The following CNOT1 variants were observed in gnomAD, a reference collection of about 807,000 sequenced individuals.
CNOT1 encodes the protein CCR4-associated factor 1.
A neutral mutation model predicts 273.8 loss-of-function variants in CNOT1; 15 were observed. That is an observed-to-expected ratio of 0.05 (90% CI 0.04 to 0.08). The LOEUF is 0.08. CNOT1 is among the 10% of genes least tolerant of loss of function. The pLI, the probability that CNOT1 is intolerant of heterozygous loss-of-function variation, is 1.00. For missense variants in CNOT1, 1,644 were observed against 2,912.2 expected (o/e 0.56, Z 10.02); for synonymous variants, 1,022 against 1,005.5 (o/e 1.02, Z -0.31).
At chr16:58,543,239 C>G (rs2040149676) in intron 31 of CNOT1, 3 of 1,539,300 alleles carry the variant, frequency 1.9e-6, no homozygotes, top group Non-Finnish European at 1.7e-6. Context: ...TGTGCACATG[C>G]AACATCACTT....
chr16:58,622,242 T>A (rs7198329), intron 1 of CNOT1, among the ~76,000 whole-genome samples: 112,836 of 149,358 alleles, frequency 0.76, 42,878 homozygotes, highest in Middle Eastern at 0.86. Context: ...TGAACCCGGG[T>A]AGCACAGCTT....
At chr16:58,606,706 G>C (rs1474372033) in intron 1 of CNOT1, among the ~76,000 whole-genome samples, 4 of 152,034 alleles carry the variant, frequency 2.6e-5, no homozygotes, top group African/African-American at 9.7e-5. Context: ...GGGAGGCTGA[G>C]GCAGGGAGAA....
At chr16:58,562,372 C>G (rs2040883382) in intron 16 of CNOT1, among the ~76,000 whole-genome samples, 1 of 151,760 alleles carries the variant, frequency 6.6e-6, no homozygotes, top group African/African-American at 2.4e-5. Flanking sequence ...GGTGTGGTGG[C>G]ACATGCCTGT....
intron 38 of CNOT1, 81 bp downstream of exon 38, chr16:58,537,810 G>A: frequency 1.3e-6 from 2 of 1,553,380 alleles, no homozygotes; most frequent in South Asian, 2.3e-5. Flanking sequence ...AACAAGTAAT[G>A]TTAGTAAGTC....
At chr16:58,601,046 C>T (rs2042443232) in intron 1 of CNOT1, among the ~76,000 whole-genome samples, 1 of 152,214 alleles carries the variant, frequency 6.6e-6, no homozygotes, top group African/African-American at 2.4e-5. Context: ...CCTCAGCCAC[C>T]TGGGTTCAAC....
rs759501337 is a variant in CNOT1 at position 58,586,690 on chromosome 16, G to A, written c.492C>T (p.Asp164=). The change falls in exon 7 of 49, where the codon GAC becomes GAT. Residue 164 remains aspartate, a synonymous_variant. Transcript: ENST00000317147. ...PDLLRSYIDA[D]VSGNQEGGFQ... is the part of the protein sequence containing the mutation. ...AGCCACCTTCTTGATTTCCACTGAC[G>A]TCTGCGTCAATGTAAGAACGCAGAA... 4 of 1,613,278 alleles carry A rather than the reference G, an allele frequency of 2.5e-6. No individual in the cohort carries two copies. In the South Asian group the frequency reaches 3.3e-5, roughly 13 times the overall value.
intron 28 of CNOT1, 61 bp downstream of exon 28, chr16:58,546,611 T>G: frequency 6.2e-7 from 1 of 1,612,510 alleles, no homozygotes; most frequent in Non-Finnish European, 8.5e-7. Context: ...CTGCCTTCAC[T>G]GTAAGTTTTA....
At chr16:58,589,235 G>C (rs566246563) in intron 2 of CNOT1, among the ~76,000 whole-genome samples, 1 of 152,146 alleles carries the variant, frequency 6.6e-6, no homozygotes, top group African/African-American at 2.4e-5. Context: ...TTCCTGGGCC[G>C]GGTGCAGTGG....
At chr16:58,570,560 G>A (rs2041233984) in intron 16 of CNOT1, among the ~76,000 whole-genome samples, 1 of 152,218 alleles carries the variant, frequency 6.6e-6, no homozygotes, top group Admixed American at 6.5e-5. Flanking sequence ...CTGGAGGGTT[G>A]AGGCTGCACT....
At chr16:58,551,049 G>A (rs1285383197) in intron 24 of CNOT1, 83 bp downstream of exon 24, 4 of 1,558,944 alleles carry the variant, frequency 2.6e-6, no homozygotes, top group East Asian at 2.3e-5. Flanking sequence ...CCTTTAAAGT[G>A]AGTATGTAAA....
At chr16:58,555,611 CA>C (rs1192072190) in intron 20 of CNOT1, 74 bp from the exon 21 acceptor site, 9 of 1,554,448 alleles carry the variant, frequency 5.8e-6, no homozygotes, top group Non-Finnish European at 7.8e-6. Context: ...ATATGCTTAA[CA>C]AAAGACTATT....
chr16:58,551,051 G>C lies in CNOT1; in HGVS notation c.3342+81C>G, dbSNP rs2040433945. On this transcript the variant is annotated intron_variant, in intron 24 of 48. Coordinates refer to ENST00000317147, the MANE Select transcript of CNOT1 (RefSeq NM_016284.5). ...TTTATTACCTCTACCTTTAAAGTGA[G>C]TATGTAAAAGGGCCAACTATACATC... 4 of 1,560,910 alleles carry C rather than the reference G, an allele frequency of 2.6e-6. No homozygotes were observed. The Middle Eastern group carries it at 5.2e-4, about 201-fold the overall frequency.
At chr16:58,530,123 A>G (rs112321686) in intron 43 of CNOT1, 123 bp downstream of exon 43, 1 of 663,730 alleles carries the variant, frequency 1.5e-6, no homozygotes. Flanking sequence ...TGATTTTTAC[A>G]CTTTTCTGAA....
At chr16:58,572,497 G>A (rs1381378339) in intron 16 of CNOT1, among the ~76,000 whole-genome samples, 1 of 152,062 alleles carries the variant, frequency 6.6e-6, no homozygotes, top group East Asian at 1.9e-4. Flanking sequence ...AGCTGGGCAT[G>A]GTGGTGCATA....
At chr16:58,532,126 G>C (rs773700391) in intron 41 of CNOT1, 51 bp from the exon 42 acceptor site, 1 of 1,611,680 alleles carries the variant, frequency 6.2e-7, no homozygotes, top group East Asian at 2.2e-5. Context: ...TAAATACAGT[G>C]AACAGCACAT....
At chr16:58,538,690 A>G (rs2039990791) in intron 36 of CNOT1, 82 bp downstream of exon 36, 1 of 1,547,902 alleles carries the variant, frequency 6.5e-7, no homozygotes, top group Non-Finnish European at 8.7e-7. Context: ...AAAAAGGGAA[A>G]CCCCTGGACA....
intron 16 of CNOT1, 75 bp from the exon 17 acceptor site, chr16:58,560,437 T>A (rs1597459876): frequency 6.5e-5 from 1 of 15,290 alleles, no homozygotes; most frequent in Non-Finnish European, 1.2e-4. Context: ...ACCGATCTGA[T>A]TTTTTTTTTT....
intron 39 of CNOT1, 106 bp from the exon 40 acceptor site, chr16:58,534,501 G>T: frequency 8.2e-7 from 1 of 1,224,474 alleles, no homozygotes; most frequent in Non-Finnish European, 1.1e-6. Context: ...TGTTCCTACT[G>T]TCATATTTCT....
chr16:58,580,515 G>T (rs982473169), intron 12 of CNOT1, 118 bp downstream of exon 12: 3 of 1,397,432 alleles, frequency 2.1e-6, no homozygotes, highest in Non-Finnish European at 9.3e-7. Flanking sequence ...GATAAGTAAG[G>T]TCACTAAAAC....
Sources: gnomAD v4.1 joint callset for allele counts (sites outside exome capture counted in the v4.1 genomes callset) on GRCh38, gnomAD v4.1.1 for gene constraint, MANE v1.5 for transcripts, NCBI Gene and HGNC (gene_info 2026-07-23, HGNC 2026-07-21) for gene names.